The following AVEN variants were observed in gnomAD, a reference collection of about 807,000 sequenced individuals.
AVEN encodes cell death regulator Aven.
AVEN carries 41 observed loss-of-function variants against 38.1 expected under a neutral mutation model. That is an observed-to-expected ratio of 1.08 (90% CI 0.84 to 1.40). The LOEUF (loss-of-function observed/expected upper bound fraction) is 1.40. Ranked by LOEUF, AVEN falls within the 40% of genes most tolerant of loss-of-function variation. The pLI is 0.00. For missense variants in AVEN, 605 were observed against 438.8 expected, an observed-to-expected ratio of 1.38 and a Z score of -3.38; for synonymous variants, 206 against 171.8, an observed-to-expected ratio of 1.20 and a Z score of -1.56.
intron 2 of AVEN, among the ~76,000 whole-genome samples, chr15:33,937,919 A>G (rs2153052839): frequency 6.9e-6 from 1 of 144,910 alleles, no homozygotes; most frequent in Non-Finnish European, 1.5e-5. Flanking sequence ...ACTAATACAA[A>G]TCCCTACTTG....
intron 2 of AVEN, among the ~76,000 whole-genome samples, chr15:33,950,647 G>A (rs1894705045): frequency 6.6e-6 from 1 of 152,174 alleles, no homozygotes; most frequent in Non-Finnish European, 1.5e-5. Flanking sequence ...GCATGTGGGA[G>A]GGAGGTAAAT....
Position 34,037,557 on chromosome 15 carries a change from T to A in AVEN, c.267+1223A>T, listed in dbSNP as rs114527435. ...AATTCTACATTACATATATATTATA[T>A]ATATATAATAGAGTTATAAGAACAA... On this transcript the variant is annotated intron_variant, in intron 1 of 5. Transcript: ENST00000306730. 4.4e-3 allele frequency among the ~76,000 whole-genome samples: 660 copies of A among 149,180 alleles called. 4 individuals are homozygous for A. The highest frequency in any genetic ancestry group is 0.014 in the African/African-American group (571 of 41,048).
At chr15:33,858,952 A>G (rs2080032370) in exon 12 of AVEN, 1 of 152,770 alleles carries the variant, frequency 6.5e-6, no homozygotes, top group Non-Finnish European at 1.5e-5. Context: ...GAGTACTGGC[A>G]TGACCAGCGT....
intron 2 of AVEN, among the ~76,000 whole-genome samples, chr15:33,931,154 C>T (rs958272393): frequency 8.6e-5 from 13 of 151,882 alleles, no homozygotes; most frequent in Non-Finnish European, 1.5e-4. Context: ...AGGAAATTAT[C>T]TATAGTCTAA....
chr15:33,946,571 C>T (rs1894515494), intron 2 of AVEN, among the ~76,000 whole-genome samples: 2 of 152,164 alleles, frequency 1.3e-5, no homozygotes, highest in Admixed American at 1.3e-4. Flanking sequence ...GCAGGAGGAT[C>T]TGTGTTAGCT....
intron 5 of AVEN, among the ~76,000 whole-genome samples, chr15:34,052,723 C>T (rs998116876): frequency 3.3e-5 from 5 of 152,036 alleles, no homozygotes; most frequent in Non-Finnish European, 5.9e-5. Flanking sequence ...AGAGCCAAAT[C>T]GTGAATGAAT....
At chr15:34,005,597 T>C (rs545684965) in intron 1 of AVEN, among the ~76,000 whole-genome samples, 80 of 152,202 alleles carry the variant, frequency 5.3e-4, no homozygotes, top group Non-Finnish European at 1.0e-3. Context: ...ATAACTAAGA[T>C]GGACCACAGG....
chr15:34,022,436 G>T (rs890739738), intron 1 of AVEN, among the ~76,000 whole-genome samples: 3 of 152,142 alleles, frequency 2.0e-5, no homozygotes, highest in Non-Finnish European at 2.9e-5. Context: ...GGCAGCAAAG[G>T]CGCCTACAGA....
chr15:33,862,017 A>G (rs551080124), downstream of AVEN, among the ~76,000 whole-genome samples: 3 of 152,334 alleles, frequency 2.0e-5, no homozygotes, highest in South Asian at 4.1e-4. Context: ...CATTCACTGA[A>G]TAACAAGTTA....
chr15:33,875,846 C>G, intron 3 of AVEN, 79 bp downstream of exon 3: 1 of 1,334,194 alleles, frequency 7.5e-7, no homozygotes, highest in African/African-American at 1.5e-5. Flanking sequence ...CATGAAGACT[C>G]TATCTCAAGA....
At position 34,017,433 on chromosome 15, in the gene AVEN, C is replaced by T. The variant is rs572338820; in HGVS notation, c.268-14224G>A. On this transcript the variant is annotated intron_variant, in intron 1 of 5. Coordinates refer to ENST00000306730, the MANE Select transcript of AVEN (RefSeq NM_020371.3). ...CTATCCCCACATAACTACCCATTCT[C>T]GTAAGATGCCAATTAACCAAGATAA... Among the ~76,000 whole-genome samples, 11 of 150,678 alleles carry T rather than the reference C, an allele frequency of 7.3e-5. No individual in the cohort carries two copies. In the South Asian group the frequency reaches 1.7e-3, roughly 23 times the overall value.
At chr15:33,857,997 T>TG (rs1323290444), downstream of AVEN, 4 of 1,565,562 alleles carry the variant, frequency 2.6e-6, no homozygotes, top group African/African-American at 2.7e-5. Context: ...AAGGGCTGTG[T>TG]GGGGGTGCTC....
intron 2 of AVEN, among the ~76,000 whole-genome samples, chr15:33,955,894 C>T (rs569849502): frequency 1.3e-5 from 2 of 152,314 alleles, no homozygotes; most frequent in Admixed American, 6.5e-5. Context: ...AGATGTGTTT[C>T]ATGTATTCAG....
intron 1 of AVEN, among the ~76,000 whole-genome samples, chr15:34,028,539 A>G (rs2078562): frequency 0.64 from 97,682 of 152,254 alleles, 36,709 homozygotes; most frequent in Non-Finnish European, 0.85. Flanking sequence ...GCACTCCAGC[A>G]TGGGTAACAA....
rs146592328 is a variant in AVEN at position 33,958,350 on chromosome 15, T to G, written c.445+44682A>C. ...GTCCCAGCCCTTTGGGAGGCAGAGG[T>G]GGGTGGATCGCTTAAGGCCAGGAGT... On this transcript the variant is annotated intron_variant, in intron 2 of 5. Coordinates refer to ENST00000306730, the MANE Select transcript of AVEN (RefSeq NM_020371.3). 4.5e-3 allele frequency among the ~76,000 whole-genome samples: 687 copies of G among 152,092 alleles called. 7 individuals carry two copies. Among genetic ancestry groups the G allele is most frequent in the African/African-American group, 0.016 (662 of 41,480 alleles).
chr15:33,872,107 A>G (rs1890990328), intron 3 of AVEN, among the ~76,000 whole-genome samples: 1 of 152,118 alleles, frequency 6.6e-6, no homozygotes, highest in Admixed American at 6.5e-5. Flanking sequence ...AACACCCACT[A>G]AGGATGCTAT....
intron 2 of AVEN, among the ~76,000 whole-genome samples, chr15:33,983,176 A>C (rs1163865621): frequency 1.7e-5 from 2 of 118,096 alleles, no homozygotes; most frequent in Non-Finnish European, 3.3e-5. Flanking sequence ...GTGTGTATAT[A>C]TACACACGTG....
chr15:33,884,453 G>C (rs1298202936), intron 2 of AVEN, among the ~76,000 whole-genome samples: 1 of 152,060 alleles, frequency 6.6e-6, no homozygotes, highest in Non-Finnish European at 1.5e-5. Context: ...GATAGTATTA[G>C]TGAAATAAAG....
chr15:33,918,920 TTC>T, intron 2 of AVEN, among the ~76,000 whole-genome samples: 1 of 112,218 alleles, frequency 8.9e-6, no homozygotes, highest in East Asian at 2.8e-4. Context: ...GCCTCTGCTT[TTC>T]TGTTTTTTTT....
Sources: allele counts gnomAD v4.1 joint callset (sites outside exome capture counted in the v4.1 genomes callset), GRCh38; gene constraint gnomAD v4.1.1; transcripts MANE v1.5; gene names NCBI Gene and HGNC (gene_info 2026-07-23, HGNC 2026-07-21).